Variants in CACNA2D3 observed in about 807,000 individuals in gnomAD.
CACNA2D3 encodes calcium voltage-gated channel auxiliary subunit alpha2delta 3, also known as voltage-dependent calcium channel subunit alpha-2/delta-3.
Under a neutral mutation model 160.6 loss-of-function variants are expected in CACNA2D3, and 60 were observed. The ratio of observed to expected loss-of-function variants is 0.37; its 90% CI spans 0.30 to 0.46. CACNA2D3 has a LOEUF of 0.46. Among genes scored for constraint, CACNA2D3 ranks in the 20% least tolerant of loss-of-function variants. CACNA2D3 has a pLI of 1.00. For missense variants in CACNA2D3, 1,205 were observed against 1,365.0 expected (o/e 0.88, Z 1.85); for synonymous variants, 558 against 492.9 (o/e 1.13, Z -1.75).
chr3:54,149,883 G>C (rs74283923), intron 2 of CACNA2D3, among the ~76,000 whole-genome samples: 12,033 of 60,674 alleles, frequency 0.2, 1,983 homozygotes, highest in Middle Eastern at 0.36. Context: ...TGAAGTATCT[G>C]TCTCTCTCTC....
At chr3:54,652,213 A>C (rs1699781022) in intron 11 of CACNA2D3, among the ~76,000 whole-genome samples, 1 of 151,394 alleles carries the variant, frequency 6.6e-6, no homozygotes, top group South Asian at 2.1e-4. Flanking sequence ...GGGATGTTGA[A>C]GGTGGCAAAC....
At chr3:55,059,353 T>A (rs890727715) in intron 35 of CACNA2D3, among the ~76,000 whole-genome samples, 5 of 152,228 alleles carry the variant, frequency 3.3e-5, no homozygotes, top group Non-Finnish European at 5.9e-5. Flanking sequence ...AATCATTACA[T>A]TACTATTGCC....
intron 2 of CACNA2D3, among the ~76,000 whole-genome samples, chr3:54,283,613 T>C (rs1346254330): frequency 3.9e-5 from 6 of 152,242 alleles, no homozygotes; most frequent in African/African-American, 7.2e-5. Context: ...TATGATTTAA[T>C]TGGTGAGGTC....
At chr3:54,205,808 C>T (rs1250833273) in intron 2 of CACNA2D3, among the ~76,000 whole-genome samples, 2 of 152,100 alleles carry the variant, frequency 1.3e-5, no homozygotes, top group South Asian at 4.2e-4. Context: ...TGGAGGATGT[C>T]CTCTTGTATT....
chr3:54,248,551 G>A lies in CACNA2D3; in HGVS notation c.205-71891G>A, dbSNP rs182114190. 6.0e-3 allele frequency among the ~76,000 whole-genome samples: 906 copies of A among 150,990 alleles called. 2 individuals carry two copies. Among genetic ancestry groups the A allele is most frequent in the Non-Finnish European group, 9.8e-3 (664 of 67,830 alleles). On this transcript the variant is annotated intron_variant, in intron 2 of 37. Coordinates refer to ENST00000474759, the MANE Select transcript of CACNA2D3 (RefSeq NM_018398.3). ...GCCCTAATCCTAATCCAGTAGGACC[G>A]ATGTCCTTATAAGAAGAGGAAGAAA... is the stretch of plus-strand genomic sequence containing the variant.
At chr3:54,754,003 C>T (rs1445637047) in intron 12 of CACNA2D3, among the ~76,000 whole-genome samples, 1 of 152,128 alleles carries the variant, frequency 6.6e-6, no homozygotes, top group African/African-American at 2.4e-5. Context: ...AGTTTGTATC[C>T]AGTTCTTCCT....
At chr3:54,284,906 C>T (rs995634128) in intron 2 of CACNA2D3, among the ~76,000 whole-genome samples, 7 of 152,106 alleles carry the variant, frequency 4.6e-5, no homozygotes, top group Non-Finnish European at 5.9e-5. Context: ...ATAGTGCTTT[C>T]GATATGTGGA....
At chr3:54,417,064 C>T (rs1325782445) in intron 4 of CACNA2D3, among the ~76,000 whole-genome samples, 1 of 152,226 alleles carries the variant, frequency 6.6e-6, no homozygotes, top group African/African-American at 2.4e-5. Flanking sequence ...GAGGCATAAT[C>T]GGCTTCTAAG....
chr3:54,420,546 C>T (rs1699822480), intron 4 of CACNA2D3, among the ~76,000 whole-genome samples: 1 of 152,174 alleles, frequency 6.6e-6, no homozygotes, highest in Non-Finnish European at 1.5e-5. Context: ...GGTCCACTTC[C>T]AGTCTCAGGT....
At chr3:54,995,119 G>T (rs148218912) in intron 31 of CACNA2D3, among the ~76,000 whole-genome samples, 1 of 151,952 alleles carries the variant, frequency 6.6e-6, no homozygotes, top group Non-Finnish European at 1.5e-5. Flanking sequence ...GATTACAGGC[G>T]CCCGCCACCA....
At chr3:54,392,482 T>A (rs182818623) in intron 4 of CACNA2D3, among the ~76,000 whole-genome samples, 2 of 152,278 alleles carry the variant, frequency 1.3e-5, no homozygotes, top group East Asian at 3.9e-4. Context: ...TATTACAAAG[T>A]TTTCTATGAT....
chr3:54,642,704 A>G (rs1414752918), intron 11 of CACNA2D3, among the ~76,000 whole-genome samples: 3 of 151,984 alleles, frequency 2.0e-5, no homozygotes, highest in Non-Finnish European at 4.4e-5. Context: ...GTTCTTCACC[A>G]TTGTCAGAAC....
Position 54,678,720 on chromosome 3 carries a change from C to CAAAAAAAAAAAAAAA in CACNA2D3, c.1167+36494_1167+36508dup. Among the ~76,000 whole-genome samples the CAAAAAAAAAAAAAAA allele has an allele frequency of 7.4e-4, 34 of 45,918 alleles. 5 individuals carry two copies. The highest frequency in any genetic ancestry group is 1.6e-3 in the South Asian group (1 of 626). 30.1% of individuals were successfully genotyped at this position (45,918 alleles called of 152,430 possible). ...TGGGTGACAGAGTGAGACTCGGTCTCAAAAAAAAAAAAAAAAAAAAAAAAA... is the reference window on the plus strand; with the variant it reads ...TGGGTGACAGAGTGAGACTCGGTCTCAAAAAAAAAAAAAAAAAAAAAAAAAAAAAAAAAAAAAAAA... On this transcript the variant is annotated intron_variant, in intron 11 of 37. Coordinates refer to ENST00000474759, the MANE Select transcript of CACNA2D3 (RefSeq NM_018398.3).
At chr3:54,628,298 C>T (rs992912483) in intron 10 of CACNA2D3, among the ~76,000 whole-genome samples, 9 of 152,278 alleles carry the variant, frequency 5.9e-5, no homozygotes, top group South Asian at 2.1e-4. Context: ...AGGCATGGGA[C>T]GGGAGAGTGA....
intron 11 of CACNA2D3, among the ~76,000 whole-genome samples, chr3:54,649,208 A>G (rs943850012): frequency 5.3e-5 from 8 of 152,036 alleles, no homozygotes; most frequent in Non-Finnish European, 1.2e-4. Flanking sequence ...GATATCTTAC[A>G]TGGTAATGGG....
chr3:54,619,729 G>A (rs990079126), intron 9 of CACNA2D3, among the ~76,000 whole-genome samples: 1 of 152,138 alleles, frequency 6.6e-6, no homozygotes, highest in Admixed American at 6.5e-5. Flanking sequence ...GGAATTAAAT[G>A]ACAGTCTGAT....
chr3:54,771,217 T>C (rs1181004660), intron 13 of CACNA2D3, among the ~76,000 whole-genome samples: 1 of 152,168 alleles, frequency 6.6e-6, no homozygotes, highest in African/African-American at 2.4e-5. Context: ...GATTTCCATC[T>C]AGAAACAACC....
Position 54,503,635 on chromosome 3 carries a change from A to G in CACNA2D3, c.525A>G (p.Pro175=). The change falls in exon 5 of 38, where the codon CCA becomes CCG. Residue 175 remains proline (P), a synonymous_variant. Transcript: ENST00000474759. Reference sequence around the variant, plus strand: ...TCAGTCTAAGTGACGTCCAAGTACCAACGAACATGTACAACAAAGGTAAGA... The same window carrying G: ...TCAGTCTAAGTGACGTCCAAGTACCGACGAACATGTACAACAAAGGTAAGA... ...VNISLSDVQV[P]TNMYNKDPAI... is the part of the protein sequence containing the mutation. 1.2e-6 allele frequency: 2 copies of G among 1,613,882 alleles called. No homozygotes were observed. The highest frequency in any genetic ancestry group is 1.7e-6 in the Non-Finnish European group (2 of 1,179,802).
At position 54,897,004 on chromosome 3, in the gene CACNA2D3, G is replaced by A. The variant is rs999117271; in HGVS notation, c.2368+134G>A. On this transcript the variant is annotated intron_variant, in intron 26 of 37. Coordinates refer to ENST00000474759, the MANE Select transcript of CACNA2D3 (RefSeq NM_018398.3). ...CCCTCAGAGCCAGTGCTGAATATTG[G>A]GTCAGCCCTGAACCAGTGACCAGTT... 18 of 1,108,854 alleles carry A rather than the reference G, an allele frequency of 1.6e-5. No homozygotes were observed. In the African/African-American group the frequency reaches 2.5e-4, roughly 15 times the overall value. 68.7% of individuals were successfully genotyped at this position (1,108,854 alleles called of 1,614,324 possible).
Sources: gnomAD v4.1 joint callset for allele counts (sites outside exome capture counted in the v4.1 genomes callset) on GRCh38, gnomAD v4.1.1 for gene constraint, MANE v1.5 for transcripts, NCBI Gene and HGNC (gene_info 2026-07-23, HGNC 2026-07-21) for gene names.